NDRG3: variants seen among roughly 807,000 people sequenced by gnomAD.
NDRG3 encodes NDRG family member 3.
NDRG3 carries 23 observed loss-of-function variants against 57.2 expected under a neutral mutation model. That is an observed-to-expected ratio of 0.40 (90% CI 0.29 to 0.57). The LOEUF is 0.57. Ranked by LOEUF, NDRG3 falls within the 20% of genes least tolerant of loss-of-function variation. The pLI is 0.42. For missense variants in NDRG3, 384 were observed against 457.3 expected (o/e 0.84, Z 1.46); for synonymous variants, 132 against 162.6 (o/e 0.81, Z 1.43).
At chr20:36,713,480 A>C (rs1353287655) in intron 2 of NDRG3, among the ~76,000 whole-genome samples, 1 of 152,256 alleles carries the variant, frequency 6.6e-6, no homozygotes, top group Admixed American at 6.5e-5. Context: ...AAAACAAGTC[A>C]TTGCTAGGGA....
intron 12 of NDRG3, among the ~76,000 whole-genome samples, chr20:36,664,765 C>T (rs971816375): frequency 2.6e-5 from 4 of 152,092 alleles, no homozygotes; most frequent in Non-Finnish European, 5.9e-5. Flanking sequence ...TCATGGCTCA[C>T]TGCAGCCTTG....
chr20:36,728,220 AT>A (rs2148210626), intron 1 of NDRG3, among the ~76,000 whole-genome samples: 1 of 151,656 alleles, frequency 6.6e-6, no homozygotes, highest in African/African-American at 2.4e-5. Context: ...CGCCCGGCTA[AT>A]TTTTTTGTAT....
At chr20:36,660,538 A>ATATT (rs200399384) in intron 12 of NDRG3, among the ~76,000 whole-genome samples, 154 bp from the exon 13 acceptor site, 1,525 of 150,032 alleles carry the variant, frequency 0.01, 15 homozygotes, top group Non-Finnish European at 0.013. Context: ...AGTGGGAGAT[A>ATATT]TATTTATTTA....
At chr20:36,656,132 CAAAAAAAAAA>C (rs1180409064) in intron 15 of NDRG3, among the ~76,000 whole-genome samples, 2 of 49,254 alleles carry the variant, frequency 4.1e-5, no homozygotes, top group Non-Finnish European at 8.9e-5. Flanking sequence ...GACTCTGTCT[CAAAAAAAAAA>C]AAAAAAAAAA....
intron 3 of NDRG3, among the ~76,000 whole-genome samples, chr20:36,694,862 A>G (rs908419588): frequency 6.6e-6 from 1 of 152,046 alleles, no homozygotes; most frequent in Non-Finnish European, 1.5e-5. Flanking sequence ...GGCTCAAGCA[A>G]TTCTCCCACC....
intron 2 of NDRG3, among the ~76,000 whole-genome samples, chr20:36,708,352 A>G (rs1983667312): frequency 2.0e-5 from 3 of 152,142 alleles, no homozygotes; most frequent in African/African-American, 2.4e-5. Context: ...TGATCCTCCT[A>G]GAAATAGTTC....
chr20:36,709,689 A>G (rs766720688), intron 2 of NDRG3, among the ~76,000 whole-genome samples: 36 of 152,212 alleles, frequency 2.4e-4, no homozygotes, highest in South Asian at 4.1e-4. Flanking sequence ...GACTATGAGA[A>G]GCAAAAGAAA....
intron 4 of NDRG3, among the ~76,000 whole-genome samples, chr20:36,688,190 G>A (rs1451522815): frequency 6.6e-6 from 1 of 152,236 alleles, no homozygotes; most frequent in Non-Finnish European, 1.5e-5. Flanking sequence ...AGAGCAGCAT[G>A]AAAGAAAACA....
chr20:36,733,203 T>TATGC lies in NDRG3; in HGVS notation c.-48-11421_-48-11420insGCAT, dbSNP rs1490119338. Among the ~76,000 whole-genome samples, 38 of 130,176 alleles carry TATGC rather than the reference T, an allele frequency of 2.9e-4. No homozygotes were observed. The East Asian group carries it at 8.8e-3, about 30-fold the overall frequency. The allele number at this position is 130,176 out of a possible 152,430, so 85.4% of individuals were successfully genotyped here. On this transcript the variant is annotated intron_variant, in intron 1 of 15. Coordinates refer to ENST00000349004, the MANE Select transcript of NDRG3 (RefSeq NM_032013.4). ...ATATATATATATATATATATATATATGCACATATAAATTTCTTTGTTAGTT... is the reference window on the plus strand; with the variant it reads ...ATATATATATATATATATATATATATATGCGCACATATAAATTTCTTTGTTAGTT...
chr20:36,660,393 TAAA>T lies in NDRG3; in HGVS notation c.811-12_811-10del, dbSNP rs1178662972. ...CGGGAATTGCATTCGACCTAAAATT[TAAA>T]AAAAGAGAAGAAAATAATTTTATGA... On this transcript the variant is annotated splice_polypyrimidine_tract_variant and intron_variant, in intron 12 of 15. Coordinates refer to ENST00000349004, the MANE Select transcript of NDRG3 (RefSeq NM_032013.4). 6.2e-7 allele frequency: 1 copy of T among 1,603,352 alleles called. No individual in the cohort carries two copies. Among genetic ancestry groups the T allele is most frequent in the East Asian group, 2.2e-5 (1 of 44,566 alleles).
At chr20:36,682,141 C>T (rs765371105) in intron 7 of NDRG3, among the ~76,000 whole-genome samples, 4 of 152,184 alleles carry the variant, frequency 2.6e-5, no homozygotes, top group Non-Finnish European at 5.9e-5. Context: ...GGTACATTTT[C>T]TTCCAGTCCT....
chr20:36,656,579 G>T, intron 13 of NDRG3, 47 bp from the exon 14 acceptor site: 1 of 1,605,110 alleles, frequency 6.2e-7, no homozygotes, highest in Non-Finnish European at 8.5e-7. Flanking sequence ...ACCCTTAAGA[G>T]AATTGCTCTG....
intron 2 of NDRG3, among the ~76,000 whole-genome samples, chr20:36,711,127 A>C (rs1490926870): frequency 6.6e-6 from 1 of 150,490 alleles, no homozygotes. Context: ...AAAAAAAAAA[A>C]AAAAAATAGC....
chr20:36,709,849 A>C (rs935444592), intron 2 of NDRG3, among the ~76,000 whole-genome samples: 9 of 152,186 alleles, frequency 5.9e-5, no homozygotes, highest in African/African-American at 2.2e-4. Flanking sequence ...TTATAAAACA[A>C]ATAAGCCAAT....
intron 2 of NDRG3, among the ~76,000 whole-genome samples, chr20:36,712,396 T>C (rs1010395889): frequency 1.5e-5 from 2 of 137,334 alleles, no homozygotes; most frequent in African/African-American, 3.0e-5. Flanking sequence ...TCTTTTTCTT[T>C]TTTTTTTTTT....
intron 9 of NDRG3, among the ~76,000 whole-genome samples, chr20:36,667,843 T>C (rs77873873): frequency 0.018 from 2,690 of 152,140 alleles, 69 homozygotes; most frequent in African/African-American, 0.061. Flanking sequence ...CAGCTGGAAA[T>C]TGACAAGCGT....
Position 36,665,101 on chromosome 20 carries a change from G to C in NDRG3, c.759-4C>G. The C allele has an allele frequency of 6.2e-7, 1 of 1,613,994 alleles. No homozygotes were observed. The highest frequency in any genetic ancestry group is 8.5e-7 in the Non-Finnish European group (1 of 1,179,900). On this transcript the variant is annotated splice_polypyrimidine_tract_variant and splice_region_variant and intron_variant, in intron 11 of 15. Coordinates refer to ENST00000349004, the MANE Select transcript of NDRG3 (RefSeq NM_032013.4). The stretch of plus-strand genomic sequence containing the variant: ...TACCACCAGTAAAGTAGAACACCTA[G>C]GTAGGCAAAGTAAGAGGTGTCACTC...
intron 2 of NDRG3, among the ~76,000 whole-genome samples, chr20:36,716,783 T>C (rs1165740850): frequency 2.6e-5 from 4 of 152,058 alleles, no homozygotes; most frequent in Non-Finnish European, 4.4e-5. Flanking sequence ...TACTCTCCTG[T>C]TTATTACAAG....
intron 1 of NDRG3, among the ~76,000 whole-genome samples, chr20:36,738,944 T>G (rs970213193): frequency 1.4e-5 from 2 of 140,140 alleles, no homozygotes; most frequent in African/African-American, 5.4e-5. Flanking sequence ...GCTAACATGG[T>G]GAAACCCCAT....
Sources: allele counts gnomAD v4.1 joint callset (sites outside exome capture counted in the v4.1 genomes callset), GRCh38; gene constraint gnomAD v4.1.1; transcripts MANE v1.5; gene names NCBI Gene and HGNC (gene_info 2026-07-23, HGNC 2026-07-21).